The following PDGFD variants were observed in gnomAD, a reference collection of about 807,000 sequenced individuals.
PDGFD encodes the protein platelet-derived growth factor D.
In PDGFD, 30 loss-of-function variants were observed where a neutral mutation model predicts 44.7. The observed-to-expected ratio is 0.67, with a 90% CI of 0.50 to 0.91. PDGFD has a LOEUF of 0.91. Ranked by LOEUF, PDGFD falls within the 40% of genes least tolerant of loss-of-function variation. The pLI, the probability that PDGFD is intolerant of heterozygous loss-of-function variation, is 0.00. For synonymous variants in PDGFD, 173 were observed against 168.4 expected (o/e 1.03, Z -0.21); for missense variants, 445 against 457.8 (o/e 0.97, Z 0.25).
chr11:104,116,565 A>C (rs1410194134), intron 1 of PDGFD, among the ~76,000 whole-genome samples: 1 of 152,062 alleles, frequency 6.6e-6, no homozygotes, highest in Non-Finnish European at 1.5e-5. Flanking sequence ...ACCAAAACCA[A>C]GAAAGGACAT....
chr11:103,987,953 T>C (rs759358509), intron 3 of PDGFD, among the ~76,000 whole-genome samples: 6 of 152,176 alleles, frequency 3.9e-5, no homozygotes, highest in Non-Finnish European at 8.8e-5. Flanking sequence ...GCCTTATAAT[T>C]GTGTACCTTT....
rs372347323 is a variant in PDGFD at position 104,134,246 on chromosome 11, T to C, written c.124+29558A>G. On this transcript the variant is annotated intron_variant, in intron 1 of 6. Coordinates refer to ENST00000393158, the MANE Select transcript of PDGFD (RefSeq NM_025208.5). Reference sequence around the variant, plus strand: ...TTTGGAGTACTATATACCACATAACTGCTGAAAACTCAGCAGTATTAATGG... The same window carrying C: ...TTTGGAGTACTATATACCACATAACCGCTGAAAACTCAGCAGTATTAATGG... Among the ~76,000 whole-genome samples the C allele has an allele frequency of 4.6e-5, 7 of 152,286 alleles. No individual in the cohort carries two copies. In the East Asian group the frequency reaches 1.4e-3, roughly 29 times the overall value.
chr11:104,053,681 A>G (rs999091216), intron 1 of PDGFD, among the ~76,000 whole-genome samples: 2 of 152,238 alleles, frequency 1.3e-5, no homozygotes, highest in Non-Finnish European at 2.9e-5. Flanking sequence ...ATAGTTTGTT[A>G]CAGAGGGTTC....
chr11:104,010,423 T>A (rs905192114), intron 1 of PDGFD, among the ~76,000 whole-genome samples: 1 of 152,146 alleles, frequency 6.6e-6, no homozygotes, highest in Non-Finnish European at 1.5e-5. Context: ...AGTGTAATAA[T>A]GCCCAAAGTA....
At chr11:104,049,838 G>C (rs533109400) in intron 1 of PDGFD, among the ~76,000 whole-genome samples, 1 of 152,108 alleles carries the variant, frequency 6.6e-6, no homozygotes, top group Non-Finnish European at 1.5e-5. Flanking sequence ...TGGTAACTTC[G>C]ACAAGAGTGA....
intron 5 of PDGFD, among the ~76,000 whole-genome samples, chr11:103,940,448 G>A (rs140692205): frequency 2.2e-3 from 330 of 152,202 alleles, no homozygotes; most frequent in Non-Finnish European, 3.6e-3. Flanking sequence ...ACATCATTAA[G>A]AAATTATTAT....
At chr11:104,011,032 T>C (rs1296502614) in intron 1 of PDGFD, among the ~76,000 whole-genome samples, 6 of 152,132 alleles carry the variant, frequency 3.9e-5, no homozygotes, top group Admixed American at 3.9e-4. Context: ...GATTTAGCAT[T>C]TTTTCTAGAG....
intron 1 of PDGFD, among the ~76,000 whole-genome samples, chr11:104,147,600 A>G (rs1862182188): frequency 1.3e-5 from 2 of 152,152 alleles, no homozygotes; most frequent in South Asian, 4.1e-4. Context: ...AAATTTTTTA[A>G]TGCAAAAGGA....
At chr11:103,953,880 A>G (rs532413826) in intron 3 of PDGFD, among the ~76,000 whole-genome samples, 2 of 152,348 alleles carry the variant, frequency 1.3e-5, no homozygotes, top group East Asian at 3.9e-4. Flanking sequence ...TGGCTCTACT[A>G]AAACATGGCT....
intron 5 of PDGFD, among the ~76,000 whole-genome samples, chr11:103,927,542 A>G (rs1858338741): frequency 6.6e-6 from 1 of 151,410 alleles, no homozygotes; most frequent in Non-Finnish European, 1.5e-5. Context: ...TATAATTTAA[A>G]TTATATCTAG....
intron 1 of PDGFD, among the ~76,000 whole-genome samples, chr11:104,019,018 A>C (rs1859908494): frequency 6.6e-6 from 1 of 152,188 alleles, no homozygotes; most frequent in East Asian, 1.9e-4. Flanking sequence ...TGTCCTCTGC[A>C]AAGAATGCTC....
intron 3 of PDGFD, among the ~76,000 whole-genome samples, chr11:103,993,770 T>C (rs1859494171): frequency 6.6e-6 from 1 of 152,168 alleles, no homozygotes; most frequent in South Asian, 2.1e-4. Flanking sequence ...GCTCATTCTA[T>C]CTCTTAAAAT....
intron 1 of PDGFD, among the ~76,000 whole-genome samples, chr11:104,154,844 T>C (rs1023184345): frequency 1.3e-5 from 2 of 152,064 alleles, no homozygotes; most frequent in African/African-American, 2.4e-5. Context: ...AATGGTAGAG[T>C]TGAGTAGTTG....
chr11:104,096,465 A>G (rs1565333556), intron 1 of PDGFD, among the ~76,000 whole-genome samples: 1 of 152,218 alleles, frequency 6.6e-6, no homozygotes, highest in Non-Finnish European at 1.5e-5. Flanking sequence ...AAGAAAGACA[A>G]CGAACAAATT....
In PDGFD at chr11:104,038,389, T is replaced by C. The variant is rs115118274; in HGVS notation, c.125-38134A>G. ...GGAAAAATGCTATGGCTGCAGACCTTACAAGGCATCCACATAAAACTATTT... is the reference window on the plus strand; with the variant it reads ...GGAAAAATGCTATGGCTGCAGACCTCACAAGGCATCCACATAAAACTATTT... On this transcript the variant is annotated intron_variant, in intron 1 of 6. Coordinates refer to ENST00000393158, the MANE Select transcript of PDGFD (RefSeq NM_025208.5). 2,024 of 203,066 alleles carry C rather than the reference T, an allele frequency of 1.0e-2. 38 individuals carry two copies. The highest frequency in any genetic ancestry group is 0.044 in the African/African-American group (1,889 of 42,996). The allele number at this position is 203,066 out of a possible 1,614,324, so 12.6% of individuals were successfully genotyped here.
chr11:104,099,392 C>G (rs1861335206), intron 1 of PDGFD, among the ~76,000 whole-genome samples: 1 of 152,028 alleles, frequency 6.6e-6, no homozygotes, highest in African/African-American at 2.4e-5. Flanking sequence ...GTAATCCCAG[C>G]ATTTTGGGAG....
rs549005896 is a variant in PDGFD at position 104,024,069 on chromosome 11, CA to C, written c.125-23815del. Among the ~76,000 whole-genome samples the C allele has an allele frequency of 4.0e-3, 615 of 152,170 alleles. 12 individuals carry two copies. The highest frequency in any genetic ancestry group is 0.036 in the Admixed American group (545 of 15,278). On this transcript the variant is annotated intron_variant, in intron 1 of 6. Transcript: ENST00000393158. ...TACATGTAACATTAACGAAAGCTCT[CA>C]GGAAAAAATGTCACATGACTGAAGA...
At chr11:104,003,471 G>C (rs1457927094) in intron 1 of PDGFD, among the ~76,000 whole-genome samples, 2 of 152,208 alleles carry the variant, frequency 1.3e-5, no homozygotes, top group Non-Finnish European at 2.9e-5. Context: ...CTAGGAACTA[G>C]AGGTGAGGGT....
At chr11:104,017,262 G>A (rs953493074) in intron 1 of PDGFD, among the ~76,000 whole-genome samples, 1 of 152,102 alleles carries the variant, frequency 6.6e-6, no homozygotes, top group Non-Finnish European at 1.5e-5. Context: ...TAAGCCACCT[G>A]GTGTGCGGTA....
Sources: gnomAD v4.1 joint callset for allele counts (sites outside exome capture counted in the v4.1 genomes callset) on GRCh38, gnomAD v4.1.1 for gene constraint, MANE v1.5 for transcripts, NCBI Gene and HGNC (gene_info 2026-07-23, HGNC 2026-07-21) for gene names.